Variants in XXYLT1 observed in about 807,000 individuals in gnomAD.
XXYLT1 encodes the protein UDP-xylose:alpha-xyloside alpha-1,3-xylosyltransferase.
A neutral mutation model predicts 28.9 loss-of-function variants in XXYLT1; 20 were observed. The observed-to-expected ratio is 0.69, with a 90% confidence interval of 0.49 to 1.00. The LOEUF is 1.00. Ranked by LOEUF, XXYLT1 falls within the 50% of genes least tolerant of loss-of-function variation. The pLI, the probability that XXYLT1 is intolerant of heterozygous loss-of-function variation, is 0.00. For synonymous variants in XXYLT1, 257 were observed against 253.8 expected, an observed-to-expected ratio of 1.01 and a Z score of -0.12; for missense variants, 542 against 560.1, an observed-to-expected ratio of 0.97 and a Z score of 0.33.
In XXYLT1 at chr3:195,069,637, AC is replaced by A; in HGVS notation, c.*77del. 15 of 1,513,140 alleles carry A rather than the reference AC, an allele frequency of 9.9e-6. No individual in the cohort carries two copies. The highest frequency in any genetic ancestry group is 1.3e-5 in the Non-Finnish European group (15 of 1,133,410). The allele number at this position is 1,513,140 out of a possible 1,614,324, so 93.7% of individuals were successfully genotyped here. A position where few individuals can be genotyped will look rare whatever the true frequency, so the allele number is the denominator to read the frequency against. On this transcript the variant is annotated 3_prime_UTR_variant, in exon 4 of 4. Coordinates refer to ENST00000310380, the MANE Select transcript of XXYLT1 (RefSeq NM_152531.5). Reference sequence around the variant, plus strand: ...GCGGTGTCTCTCTAGCGGGTCAGACACTGCCCTTGGGTCTGTCCCAAGGAAC... The same window carrying A: ...GCGGTGTCTCTCTAGCGGGTCAGACATGCCCTTGGGTCTGTCCCAAGGAAC...
At chr3:195,263,923 G>A (rs923129771) in intron 1 of XXYLT1, among the ~76,000 whole-genome samples, 1 of 152,136 alleles carries the variant, frequency 6.6e-6, no homozygotes, top group African/African-American at 2.4e-5. Flanking sequence ...AGTGTCGACG[G>A]GAAAAAGAGG....
intron 3 of XXYLT1, among the ~76,000 whole-genome samples, chr3:195,112,381 A>G (rs1717768442): frequency 6.6e-6 from 1 of 152,072 alleles, no homozygotes; most frequent in Non-Finnish European, 1.5e-5. Flanking sequence ...GAGCCCACCC[A>G]CCCCAGCAAG....
intron 1 of XXYLT1, among the ~76,000 whole-genome samples, chr3:195,244,916 A>T (rs1244790300): frequency 6.7e-6 from 1 of 149,432 alleles, no homozygotes; most frequent in Non-Finnish European, 1.5e-5. Context: ...CTGTGATCCC[A>T]GCACTTTGGG....
intron 3 of XXYLT1, among the ~76,000 whole-genome samples, chr3:195,107,814 G>C (rs1717235444): frequency 6.6e-6 from 1 of 151,906 alleles, no homozygotes; most frequent in Non-Finnish European, 1.5e-5. Flanking sequence ...AGGCCAACTT[G>C]GTAGAGACAC....
intron 2 of XXYLT1, among the ~76,000 whole-genome samples, chr3:195,162,716 A>G (rs1720932353): frequency 6.6e-6 from 1 of 152,198 alleles, no homozygotes; most frequent in African/African-American, 2.4e-5. Context: ...AAGAGGTATA[A>G]ATCATATCCT....
chr3:195,165,806 T>C (rs1721090902), intron 2 of XXYLT1, among the ~76,000 whole-genome samples: 1 of 152,136 alleles, frequency 6.6e-6, no homozygotes, highest in Non-Finnish European at 1.5e-5. Flanking sequence ...TACTATATCT[T>C]CTAAAAAAGA....
chr3:195,172,919 T>C (rs1317024960), intron 2 of XXYLT1, among the ~76,000 whole-genome samples: 1 of 152,156 alleles, frequency 6.6e-6, no homozygotes. Context: ...AGTTGGAGCA[T>C]GGGTGAGTGA....
intron 2 of XXYLT1, among the ~76,000 whole-genome samples, chr3:195,196,871 A>G (rs1423381707): frequency 8.0e-6 from 1 of 125,070 alleles, no homozygotes; most frequent in African/African-American, 3.8e-5. Flanking sequence ...CACTTCCTTT[A>G]AAAAAAAAAA....
intron 3 of XXYLT1, among the ~76,000 whole-genome samples, chr3:195,091,021 T>C (rs1242151339): frequency 6.6e-6 from 1 of 151,016 alleles, no homozygotes; most frequent in Non-Finnish European, 1.5e-5. Flanking sequence ...GAGCTGAAAT[T>C]GTGGCAATAA....
chr3:195,212,329 A>G (rs1723357578), intron 2 of XXYLT1, among the ~76,000 whole-genome samples: 1 of 152,226 alleles, frequency 6.6e-6, no homozygotes, highest in Non-Finnish European at 1.5e-5. Flanking sequence ...CACTGGGAAG[A>G]AAAGGGCCTT....
At chr3:195,163,601 C>T (rs973226381) in intron 2 of XXYLT1, among the ~76,000 whole-genome samples, 4 of 152,248 alleles carry the variant, frequency 2.6e-5, no homozygotes, top group African/African-American at 9.6e-5. Context: ...CATGCTTTAA[C>T]TCGTTTGATC....
At chr3:195,253,275 T>C (rs776414125) in intron 1 of XXYLT1, among the ~76,000 whole-genome samples, 10 of 151,910 alleles carry the variant, frequency 6.6e-5, no homozygotes, top group Non-Finnish European at 1.5e-5. Flanking sequence ...CTCCCGTAAA[T>C]CAGGTCCAGA....
intron 2 of XXYLT1, among the ~76,000 whole-genome samples, chr3:195,162,477 C>T (rs938455842): frequency 6.6e-6 from 1 of 152,234 alleles, no homozygotes; most frequent in South Asian, 2.1e-4. Context: ...AAATGAATAA[C>T]CACAGCCAGT....
At position 195,115,746 on chromosome 3, in the gene XXYLT1, A is replaced by G. The variant is rs1170271669; in HGVS notation, c.785+40703T>C. 1.4e-5 allele frequency among the ~76,000 whole-genome samples: 2 copies of G among 147,856 alleles called. No homozygotes were observed. Among genetic ancestry groups the G allele is most frequent in the Non-Finnish European group, 3.0e-5 (2 of 66,452 alleles). ...AGGTGTTCACGTCCGAGGTGGAGGA[A>G]GGAGGGCGGCAGGTGCAGGCCAGGA... On this transcript the variant is annotated intron_variant, in intron 3 of 3. Coordinates refer to ENST00000310380, the MANE Select transcript of XXYLT1 (RefSeq NM_152531.5). The surrounding 1 kb of genome is among the most constrained non-coding windows in gnomAD (Gnocchi z 4.2).
intron 3 of XXYLT1, among the ~76,000 whole-genome samples, chr3:195,131,089 A>C (rs1552891): frequency 7.8e-6 from 1 of 127,854 alleles, no homozygotes; most frequent in Non-Finnish European, 1.8e-5. Flanking sequence ...AATGGGACCC[A>C]AACAGTGTTC....
At chr3:195,175,707 G>C in intron 2 of XXYLT1, 1 of 1,536,152 alleles carries the variant, frequency 6.5e-7, no homozygotes, top group Non-Finnish European at 8.7e-7. Context: ...ATGAGCAGAA[G>C]TGCTGTGTGC....
chr3:195,235,837 T>C (rs1724512362), intron 1 of XXYLT1, among the ~76,000 whole-genome samples: 1 of 152,220 alleles, frequency 6.6e-6, no homozygotes, highest in African/African-American at 2.4e-5. Flanking sequence ...CCGAATTACT[T>C]GTTCTCTTCC....
chr3:195,204,468 ACTCTCTCACTCT>A (rs1380589748), intron 2 of XXYLT1, among the ~76,000 whole-genome samples: 12 of 114,832 alleles, frequency 1.0e-4, no homozygotes, highest in South Asian at 2.9e-4. Flanking sequence ...ACACACACTC[ACTCTCTCACTCT>A]CTCTCTCTCT....
At chr3:195,207,496 A>G (rs1028644304) in intron 2 of XXYLT1, 1 of 456,032 alleles carries the variant, frequency 2.2e-6, no homozygotes, top group African/African-American at 2.0e-5. Flanking sequence ...AGAGGTGTAC[A>G]CTCTATGGAA....
Sources: allele counts gnomAD v4.1 joint callset (sites outside exome capture counted in the v4.1 genomes callset), GRCh38; gene constraint gnomAD v4.1.1; non-coding constraint Gnocchi (gnomAD v3.1); transcripts MANE v1.5; gene names NCBI Gene and HGNC (gene_info 2026-07-23, HGNC 2026-07-21).